The following TIMP2 variants were observed in gnomAD, a reference collection of about 807,000 sequenced individuals.
TIMP2 encodes the protein metalloproteinase inhibitor 2.
Under a neutral mutation model 24.3 loss-of-function variants are expected in TIMP2, and 5 were observed. The observed-to-expected ratio is 0.21, with a 90% CI of 0.11 to 0.43. TIMP2 has a LOEUF of 0.43. Among genes scored for constraint, TIMP2 ranks in the 20% least tolerant of loss-of-function variants. The pLI, the probability that TIMP2 is intolerant of heterozygous loss-of-function variation, is 1.00. For synonymous variants in TIMP2, 130 were observed against 123.2 expected (o/e 1.06, Z -0.37); for missense variants, 221 against 297.5 (o/e 0.74, Z 1.89).
At chr17:78,890,569 G>C (rs1454702034) in intron 1 of TIMP2, 10 of 1,467,146 alleles carry the variant, frequency 6.8e-6, no homozygotes, top group Non-Finnish European at 9.1e-6. Context: ...ACAGATCTTA[G>C]AGACCCGGGT....
At chr17:78,898,234 C>A (rs1162955467) in intron 1 of TIMP2, 1 of 152,238 alleles carries the variant, frequency 6.6e-6, no homozygotes, top group Non-Finnish European at 1.5e-5. Flanking sequence ...AGGCCTATTC[C>A]TATCCGCACA....
intron 1 of TIMP2, among the ~76,000 whole-genome samples, chr17:78,883,848 G>A (rs763516104): frequency 3.4e-4 from 52 of 152,176 alleles, no homozygotes; most frequent in Non-Finnish European, 5.9e-4. Flanking sequence ...CCCTCCCTCT[G>A]CAGCTCTGGG....
Position 78,870,959 on chromosome 17 carries a change from G to T in TIMP2, c.279C>A (p.Pro93=). The part of the protein sequence containing the change: ...EKDIEFIYTA[P]SSAVCGVSLD... The stretch of plus-strand genomic sequence containing the variant: ...GCGAGACCCCACACACTGCCGAGGA[G>T]GGGGCCGTGTAGATAAACTCTATAT... Residue 93 remains proline (P), a synonymous_variant, in exon 3 of 5, where the codon CCC becomes CCA. Coordinates refer to ENST00000262768, the MANE Select transcript of TIMP2 (RefSeq NM_003255.5). 6.2e-7 allele frequency: 1 copy of T among 1,613,820 alleles called. No homozygotes were observed. The highest frequency in any genetic ancestry group is 8.5e-7 in the Non-Finnish European group (1 of 1,179,848).
At chr17:78,878,637 T>C (rs1016006133) in intron 1 of TIMP2, among the ~76,000 whole-genome samples, 1 of 151,728 alleles carries the variant, frequency 6.6e-6, no homozygotes, top group African/African-American at 2.4e-5. Context: ...AAGAGGAGGC[T>C]GGTCAAATCA....
chr17:78,855,724 C>T lies in TIMP2; in HGVS notation c.606G>A (p.Ala202=), dbSNP rs767865431. The change falls in exon 5 of 5, where the codon GCG becomes GCA. Residue 202 remains alanine (A), a synonymous_variant. Coordinates refer to ENST00000262768, the MANE Select transcript of TIMP2 (RefSeq NM_003255.5). This position sits in a 1 kb window ranked among gnomAD's most constrained non-coding sequence, Gnocchi z 6.0. ...TGGGGGGCGCCGCGCCGCGGTACCA[C>T]GCACAGGAGCCGTCACTTCTCTTGA... is the stretch of plus-strand genomic sequence containing the variant. ...ACIKRSDGSC[A]WYRGAAPPKQ... is the part of the protein sequence containing the mutation. 65 of 1,614,032 alleles carry T rather than the reference C, an allele frequency of 4.0e-5. No individual in the cohort carries two copies. Among genetic ancestry groups the T allele is most frequent in the Middle Eastern group, 3.3e-4 (2 of 6,084 alleles).
chr17:78,891,143 G>C lies in TIMP2; in HGVS notation c.131-17224C>G, dbSNP rs1567999527. ...GTCCTCTTTGTTGATAAATATACCT[G>C]CCTCGGGAGACAATGTTTGACTTCC... On this transcript the variant is annotated intron_variant, in intron 1 of 4. Coordinates refer to ENST00000262768, the MANE Select transcript of TIMP2 (RefSeq NM_003255.5). The surrounding 1 kb of genome is among the most constrained non-coding windows in gnomAD (Gnocchi z 4.5). The C allele has an allele frequency of 6.4e-7, 1 of 1,550,664 alleles. No homozygotes were observed. The highest frequency in any genetic ancestry group is 8.7e-7 in the Non-Finnish European group (1 of 1,147,024).
Position 78,855,726 on chromosome 17 carries a change from C to G in TIMP2, c.604G>C (p.Ala202Pro). The change falls in exon 5 of 5, where the codon GCG becomes CCG. Residue 202 changes from alanine to proline, a missense_variant. Coordinates refer to ENST00000262768, the MANE Select transcript of TIMP2 (RefSeq NM_003255.5). The surrounding 1 kb of genome is among the most constrained non-coding windows in gnomAD (Gnocchi z 6.0). Reference sequence around the variant, plus strand: ...GGGGGCGCCGCGCCGCGGTACCACGCACAGGAGCCGTCACTTCTCTTGATG... The same window carrying G: ...GGGGGCGCCGCGCCGCGGTACCACGGACAGGAGCCGTCACTTCTCTTGATG... ...ACIKRSDGSC[A>P]WYRGAAPPKQ... 6.2e-7 allele frequency: 1 copy of G among 1,614,152 alleles called. No homozygotes were observed. Among genetic ancestry groups the G allele is most frequent in the Non-Finnish European group, 8.5e-7 (1 of 1,180,040 alleles).
intron 1 of TIMP2, chr17:78,904,475 C>T (rs2070138993): frequency 6.6e-6 from 1 of 152,082 alleles, no homozygotes; most frequent in Admixed American, 6.6e-5. Context: ...GAACCTGAGA[C>T]AAAGCCCTTT....
At position 78,891,615 on chromosome 17, in the gene TIMP2, G is replaced by C. The variant is rs1371059044; in HGVS notation, c.131-17696C>G. 6.4e-7 allele frequency: 1 copy of C among 1,550,890 alleles called. No homozygotes were observed. The highest frequency in any genetic ancestry group is 2.0e-5 in the Admixed American group (1 of 51,002). Reference sequence around the variant, plus strand: ...AGCTTCCCCTCCAGACTCTGTCCCTGAGAGCGACTGGTCAGGGCTGGAACA... The same window carrying C: ...AGCTTCCCCTCCAGACTCTGTCCCTCAGAGCGACTGGTCAGGGCTGGAACA... On this transcript the variant is annotated intron_variant, in intron 1 of 4. Coordinates refer to ENST00000262768, the MANE Select transcript of TIMP2 (RefSeq NM_003255.5). This position sits in a 1 kb window ranked among gnomAD's most constrained non-coding sequence, Gnocchi z 4.5.
rs554171922 is a variant in TIMP2, at chr17:78,862,017, CG to C, written c.341-4372del. Among the ~76,000 whole-genome samples, 352 of 152,150 alleles carry C rather than the reference CG, an allele frequency of 2.3e-3. 2 individuals are homozygous for C. Among genetic ancestry groups the C allele is most frequent in the African/African-American group, 7.9e-3 (328 of 41,494 alleles). ...GCGATGTTCTACTTATGTCTGTCTC[CG>C]AGAAAAGCGAGGCATGAGTCTGGGT... On this transcript the variant is annotated intron_variant, in intron 3 of 4. Transcript: ENST00000262768.
chr17:78,921,396 T>C (rs1447092247), intron 1 of TIMP2, among the ~76,000 whole-genome samples: 1 of 152,216 alleles, frequency 6.6e-6, no homozygotes, highest in East Asian at 1.9e-4. Context: ...GGATAATGTG[T>C]GGCCTTAGGT....
Position 78,924,272 on chromosome 17 carries a change from A to C in TIMP2, c.130+687T>G, listed in dbSNP as rs988412879. Among the ~76,000 whole-genome samples the C allele has an allele frequency of 2.0e-5, 3 of 152,206 alleles. No homozygotes were observed. Among genetic ancestry groups the C allele is most frequent in the African/African-American group, 4.8e-5 (2 of 41,446 alleles). The stretch of plus-strand genomic sequence containing the variant: ...GCCGGGTCCGGTCACCAAAGTCTCC[A>C]GCTTTTGTGGACGTCCCGAAAAAGC... On this transcript the variant is annotated intron_variant, in intron 1 of 4. Coordinates refer to ENST00000262768, the MANE Select transcript of TIMP2 (RefSeq NM_003255.5). The surrounding 1 kb of genome is among the most constrained non-coding windows in gnomAD (Gnocchi z 5.3).
intron 1 of TIMP2, 123 bp from the exon 2 acceptor site, chr17:78,874,042 G>A (rs1054918600): frequency 3.0e-5 from 24 of 791,686 alleles, no homozygotes; most frequent in Admixed American, 2.1e-4. Flanking sequence ...AGCAAGGTGC[G>A]AGACGGGCAA....
intron 1 of TIMP2, among the ~76,000 whole-genome samples, chr17:78,894,917 A>G (rs1377133957): frequency 6.6e-6 from 1 of 152,206 alleles, no homozygotes; most frequent in African/African-American, 2.4e-5. Context: ...TATCCAACAG[A>G]AGACTTGAAT....
In TIMP2 at chr17:78,896,703, A is replaced by C. The variant is rs1457302933; in HGVS notation, c.131-22784T>G. Among the ~76,000 whole-genome samples the C allele has an allele frequency of 6.6e-6, 1 of 152,100 alleles. No individual in the cohort carries two copies. Among genetic ancestry groups the C allele is most frequent in the Non-Finnish European group, 1.5e-5 (1 of 68,012 alleles). ...GAGAAACCACAGCTCCCCCCTCCGC[A>C]GAAGCCGCGCTCGGAGCAGCAGAAG... On this transcript the variant is annotated intron_variant, in intron 1 of 4. Coordinates refer to ENST00000262768, the MANE Select transcript of TIMP2 (RefSeq NM_003255.5). This position sits in a 1 kb window ranked among gnomAD's most constrained non-coding sequence, Gnocchi z 4.4.
chr17:78,906,476 T>A (rs762942471), intron 1 of TIMP2, among the ~76,000 whole-genome samples: 3 of 152,252 alleles, frequency 2.0e-5, no homozygotes, highest in Non-Finnish European at 4.4e-5. Context: ...GTCTTTTTGC[T>A]GGTGGAGGGT....
At position 78,855,859 on chromosome 17, in the gene TIMP2, C is replaced by T. The variant is rs927588316; in HGVS notation, c.471G>A (p.Thr157=). 7.4e-6 allele frequency: 12 copies of T among 1,613,606 alleles called. No individual in the cohort carries two copies. The highest frequency in any genetic ancestry group is 1.7e-5 in the Admixed American group (1 of 59,980). The change falls in exon 5 of 5, where the codon ACG becomes ACA. Residue 157 remains threonine (T), a synonymous_variant. Transcript: ENST00000262768. This position sits in a 1 kb window ranked among gnomAD's most constrained non-coding sequence, Gnocchi z 6.0. The part of the protein sequence containing the change: ...RYQMGCECKI[T]RCPMIPCYIS... Reference sequence around the variant, plus strand: ...TGTAGCACGGGATCATGGGGCAGCGCGTGATCTGGGGAGGGGCACACGGAG... The same window carrying T: ...TGTAGCACGGGATCATGGGGCAGCGTGTGATCTGGGGAGGGGCACACGGAG...
chr17:78,874,042 G>C (rs1054918600), intron 1 of TIMP2, 123 bp from the exon 2 acceptor site: 1 of 791,802 alleles, frequency 1.3e-6, no homozygotes, highest in East Asian at 2.6e-5. Flanking sequence ...AGCAAGGTGC[G>C]AGACGGGCAA....
chr17:78,911,671 T>A (rs1203581755), intron 1 of TIMP2, among the ~76,000 whole-genome samples: 1 of 151,886 alleles, frequency 6.6e-6, no homozygotes, highest in African/African-American at 2.4e-5. Context: ...CCTCAAGTGA[T>A]CCGCCCACCT....
Sources: allele counts gnomAD v4.1 joint callset (sites outside exome capture counted in the v4.1 genomes callset), GRCh38; gene constraint gnomAD v4.1.1; non-coding constraint Gnocchi (gnomAD v3.1); transcripts MANE v1.5; gene names NCBI Gene and HGNC (gene_info 2026-07-23, HGNC 2026-07-21).